The following VRK2 variants were observed in gnomAD, a reference collection of about 807,000 sequenced individuals.
VRK2 encodes serine/threonine-protein kinase VRK2.
A neutral mutation model predicts 57.6 loss-of-function variants in VRK2; 60 were observed. That is an observed-to-expected ratio of 1.04 (90% CI 0.85 to 1.29). The LOEUF is 1.29. Ranked by LOEUF, VRK2 falls within the 50% of genes most tolerant of loss-of-function variation. The pLI, the probability that VRK2 is intolerant of heterozygous loss-of-function variation, is 0.00. For missense variants in VRK2, 705 were observed against 588.1 expected (o/e 1.20, Z -2.06); for synonymous variants, 231 against 199.2 (o/e 1.16, Z -1.35).
Position 58,073,835 on chromosome 2 carries a change from G to A in VRK2, c.137-10254G>A, listed in dbSNP as rs113945980. Among the ~76,000 whole-genome samples, 252 of 152,060 alleles carry A rather than the reference G, an allele frequency of 1.7e-3. 4 individuals are homozygous for A. The Middle Eastern group carries it at 0.041, about 25-fold the overall frequency. ...CGAGGGCAGGAAGCATCCAGCATGG[G>A]AGAATGATGTAGGCTGGGAGGCTAA... On this transcript the variant is annotated intron_variant, in intron 2 of 12. Transcript: ENST00000340157.
chr2:58,145,936 T>C (rs992506996), intron 11 of VRK2, among the ~76,000 whole-genome samples: 4 of 152,138 alleles, frequency 2.6e-5, no homozygotes, highest in South Asian at 4.1e-4. Flanking sequence ...TCCATGTCCC[T>C]ACAAAGGACA....
At chr2:57,931,588 TG>T (rs1558499360) in intron 1 of VRK2, among the ~76,000 whole-genome samples, 1 of 152,336 alleles carries the variant, frequency 6.6e-6, no homozygotes, top group East Asian at 1.9e-4. Flanking sequence ...TTTTGTTGAC[TG>T]TTATTTTGCT....
intron 1 of VRK2, among the ~76,000 whole-genome samples, chr2:57,988,874 T>C (rs1007349551): frequency 6.6e-6 from 1 of 152,210 alleles, no homozygotes; most frequent in Non-Finnish European, 1.5e-5. Flanking sequence ...ATAGCATATG[T>C]ATTATATTTC....
intron 12 of VRK2, among the ~76,000 whole-genome samples, chr2:58,150,694 C>A (rs1682889447): frequency 1.4e-5 from 2 of 146,490 alleles, no homozygotes; most frequent in African/African-American, 2.5e-5. Context: ...TTAATTTATT[C>A]TTTCAAGCTT....
chr2:57,983,544 G>C (rs1672498916), intron 1 of VRK2, among the ~76,000 whole-genome samples: 1 of 152,128 alleles, frequency 6.6e-6, no homozygotes, highest in Admixed American at 6.5e-5. Flanking sequence ...TAAAGAAAAT[G>C]GGAGGGAAAG....
chr2:58,089,599 G>A, intron 6 of VRK2, 32 bp from the exon 7 acceptor site: 3 of 1,420,488 alleles, frequency 2.1e-6, no homozygotes, highest in South Asian at 2.5e-5. Context: ...CTAAATAGCA[G>A]TAAACCTTAT....
chr2:57,988,024 C>G (rs1672652574), intron 1 of VRK2, among the ~76,000 whole-genome samples: 1 of 152,112 alleles, frequency 6.6e-6, no homozygotes, highest in South Asian at 2.1e-4. Context: ...GACCACAAAG[C>G]ATGGCATGGG....
At chr2:58,034,795 A>T (rs1226230332) in intron 3 of VRK2, among the ~76,000 whole-genome samples, 1 of 152,000 alleles carries the variant, frequency 6.6e-6, no homozygotes, top group Non-Finnish European at 1.5e-5. Flanking sequence ...AAAAACAAAA[A>T]AAAAAACTTC....
intron 1 of VRK2, among the ~76,000 whole-genome samples, chr2:57,969,361 C>G (rs1672021914): frequency 6.6e-6 from 1 of 151,480 alleles, no homozygotes; most frequent in African/African-American, 2.4e-5. Context: ...TTTTGGAAAT[C>G]AAACACTGAA....
intron 2 of VRK2, among the ~76,000 whole-genome samples, chr2:58,032,808 G>A (rs1041757059): frequency 3.9e-4 from 60 of 152,082 alleles, no homozygotes; most frequent in African/African-American, 1.4e-3. Flanking sequence ...GACATGCATA[G>A]TTGAGATTCT....
At chr2:58,083,437 C>T (rs1348356864) in intron 2 of VRK2, among the ~76,000 whole-genome samples, 5 of 151,626 alleles carry the variant, frequency 3.3e-5, no homozygotes, top group African/African-American at 9.7e-5. Flanking sequence ...AGGGTTATAC[C>T]ATCTGAACAA....
chr2:57,932,997 A>T (rs1028520454), intron 1 of VRK2, among the ~76,000 whole-genome samples: 10 of 151,766 alleles, frequency 6.6e-5, no homozygotes, highest in African/African-American at 1.9e-4. Flanking sequence ...TATTCCTGTT[A>T]TTGATTTCTA....
chr2:57,908,605 C>T (rs559674949), intron 1 of VRK2, among the ~76,000 whole-genome samples: 2 of 152,084 alleles, frequency 1.3e-5, no homozygotes, highest in Admixed American at 6.5e-5. Context: ...TCTTAATAAA[C>T]CTTTTTGAGG....
At chr2:58,155,758 TC>T (rs1179191933) in intron 12 of VRK2, among the ~76,000 whole-genome samples, 1 of 27,232 alleles carries the variant, frequency 3.7e-5, no homozygotes, top group Non-Finnish European at 7.8e-5. Flanking sequence ...GCCCCCACCA[TC>T]CCCCCCACCC....
rs958471924 is a variant in VRK2 at position 57,978,667 on chromosome 2, T to C, written c.-438-46998T>C. ...TTTTTATATATTGGCTTACTTGATT[T>C]GTTTCCTTCCTTCCTTCCTTCTTTC... On this transcript the variant is annotated intron_variant, in intron 1 of 15. Coordinates refer to the VRK2 transcript ENST00000417641. Among the ~76,000 whole-genome samples the C allele has an allele frequency of 6.0e-5, 9 of 150,128 alleles. No homozygotes were observed. In the East Asian group the frequency reaches 1.7e-3, roughly 29 times the overall value.
intron 2 of VRK2, among the ~76,000 whole-genome samples, chr2:58,071,854 A>G (rs1262697906): frequency 1.3e-5 from 2 of 152,114 alleles, no homozygotes; most frequent in Middle Eastern, 3.4e-3. Flanking sequence ...CTTTGACTTT[A>G]TATATCAAGT....
At chr2:58,063,267 G>A (rs2103914363) in intron 2 of VRK2, among the ~76,000 whole-genome samples, 1 of 144,234 alleles carries the variant, frequency 6.9e-6, no homozygotes, top group African/African-American at 2.6e-5. Context: ...TAACATATGA[G>A]TGAGAACAAC....
intron 10 of VRK2, among the ~76,000 whole-genome samples, chr2:58,137,125 G>GTTTA (rs1558686299): frequency 1.2e-3 from 24 of 19,236 alleles, no homozygotes; most frequent in Non-Finnish European, 2.0e-3. Flanking sequence ...TCATATATGT[G>GTTTA]TATATATCAT....
intron 1 of VRK2, among the ~76,000 whole-genome samples, chr2:57,926,998 T>TGTGTGTGTGTGTGTGTG (rs540927767): frequency 3.5e-5 from 5 of 142,758 alleles, no homozygotes; most frequent in African/African-American, 1.0e-4. Flanking sequence ...TTTTAATTTC[T>TGTGTGTGTGTGTGTGTG]TGTGTGTGTG....
Sources: allele counts gnomAD v4.1 joint callset (sites outside exome capture counted in the v4.1 genomes callset), GRCh38; gene constraint gnomAD v4.1.1; transcripts MANE v1.5; gene names NCBI Gene and HGNC (gene_info 2026-07-23, HGNC 2026-07-21).